MTUS2: variants seen among roughly 807,000 people sequenced by gnomAD.
MTUS2 encodes the protein microtubule-associated tumor suppressor candidate 2.
A neutral mutation model predicts 114.1 loss-of-function variants in MTUS2; 40 were observed. That is an observed-to-expected ratio of 0.35 (90% CI 0.27 to 0.46). The LOEUF is 0.46. Among genes scored for constraint, MTUS2 ranks in the 20% least tolerant of loss-of-function variants. MTUS2 has a pLI of 1.00. For missense variants in MTUS2, 1,679 were observed against 1,705.4 expected (o/e 0.98, Z 0.27); for synonymous variants, 688 against 672.0 (o/e 1.02, Z -0.37).
intron 7 of MTUS2, among the ~76,000 whole-genome samples, chr13:29,358,390 G>A (rs1226054574): frequency 6.6e-6 from 1 of 152,182 alleles, no homozygotes; most frequent in Non-Finnish European, 1.5e-5. Flanking sequence ...CTCAACCCCA[G>A]GCAGAGCTCC....
chr13:29,026,105 T>A lies in MTUS2; in HGVS notation c.1407T>A (p.Val469=). ...LGSGNKDSVM[V]LVFNPSVGEN... Reference sequence around the variant, plus strand: ...GTGGGAATAAGGACAGTGTTATGGTTTTGGTGTTCAATCCTTCTGTTGGAG... The same window carrying A: ...GTGGGAATAAGGACAGTGTTATGGTATTGGTGTTCAATCCTTCTGTTGGAG... Residue 469 remains valine (V), a synonymous_variant, in exon 3 of 16, where the codon GTT becomes GTA. Transcript: ENST00000612955. 6.2e-7 allele frequency: 1 copy of A among 1,613,910 alleles called. No individual in the cohort carries two copies. The highest frequency in any genetic ancestry group is 8.5e-7 in the Non-Finnish European group (1 of 1,179,882).
intron 8 of MTUS2, among the ~76,000 whole-genome samples, chr13:29,382,168 A>G (rs998789616): frequency 1.3e-5 from 2 of 152,152 alleles, no homozygotes. Flanking sequence ...GGGTGAAGGG[A>G]ATGGGAGGAA....
chr13:29,454,598 C>A (rs989800195), intron 9 of MTUS2, among the ~76,000 whole-genome samples: 22 of 151,952 alleles, frequency 1.4e-4, no homozygotes, highest in Admixed American at 2.0e-4. Flanking sequence ...GTCAGGGGTC[C>A]AGAAAAGGCC....
intron 6 of MTUS2, among the ~76,000 whole-genome samples, chr13:29,317,666 C>T (rs1329121527): frequency 8.2e-6 from 1 of 122,088 alleles, no homozygotes; most frequent in Non-Finnish European, 1.7e-5. Flanking sequence ...TCTCCATCTC[C>T]TGACCTCGTG....
At chr13:29,161,972 T>G (rs1893116780) in intron 5 of MTUS2, among the ~76,000 whole-genome samples, 1 of 152,210 alleles carries the variant, frequency 6.6e-6, no homozygotes, top group Admixed American at 6.5e-5. Context: ...TATTTCCAGC[T>G]CACTCCTTTC....
chr13:29,070,407 A>G (rs753591844), intron 4 of MTUS2, among the ~76,000 whole-genome samples: 13 of 152,218 alleles, frequency 8.5e-5, no homozygotes, highest in Non-Finnish European at 1.9e-4. Context: ...TGCATTTACT[A>G]GATTAAAAAT....
chr13:28,958,998 G>A (rs769477642), intron 2 of MTUS2, among the ~76,000 whole-genome samples: 3 of 152,174 alleles, frequency 2.0e-5, no homozygotes, highest in Non-Finnish European at 4.4e-5. Context: ...ATACTCCTAG[G>A]CAGACCAGCT....
chr13:28,897,299 T>C (rs913000973), intron 2 of MTUS2, among the ~76,000 whole-genome samples: 2 of 152,018 alleles, frequency 1.3e-5, no homozygotes, highest in African/African-American at 4.8e-5. Flanking sequence ...CATGAAAAAA[T>C]GCTCATCATC....
intron 6 of MTUS2, among the ~76,000 whole-genome samples, chr13:29,320,841 A>T (rs1345188037): frequency 6.6e-6 from 1 of 152,198 alleles, no homozygotes; most frequent in East Asian, 1.9e-4. Context: ...GTACAAAGTG[A>T]GAATGAATCA....
intron 9 of MTUS2, among the ~76,000 whole-genome samples, chr13:29,479,636 G>T (rs1389717326): frequency 6.6e-6 from 1 of 152,150 alleles, no homozygotes; most frequent in East Asian, 1.9e-4. Flanking sequence ...ATAGCCTTAG[G>T]CGCCAGGCCC....
chr13:29,042,028 A>G (rs1172535352), intron 4 of MTUS2, among the ~76,000 whole-genome samples: 2 of 152,182 alleles, frequency 1.3e-5, no homozygotes, highest in Admixed American at 1.3e-4. Flanking sequence ...GAAAGTGGGC[A>G]TCCTTGACTT....
At chr13:29,017,635 C>T (rs1423262833) in intron 2 of MTUS2, among the ~76,000 whole-genome samples, 5 of 151,796 alleles carry the variant, frequency 3.3e-5, no homozygotes, top group Non-Finnish European at 7.4e-5. Flanking sequence ...ATATGGCCCT[C>T]TTGGGAGGAC....
intron 2 of MTUS2, among the ~76,000 whole-genome samples, chr13:28,999,022 T>TATCTAC (rs1307063709): frequency 6.6e-6 from 1 of 152,234 alleles, no homozygotes; most frequent in Non-Finnish European, 1.5e-5. Context: ...TTTGTGGTTT[T>TATCTAC]ATCTACCTTT....
chr13:28,874,530 C>T (rs571807638), intron 2 of MTUS2, among the ~76,000 whole-genome samples: 6 of 152,088 alleles, frequency 3.9e-5, no homozygotes, highest in Non-Finnish European at 7.4e-5. Context: ...GCTGGAATGG[C>T]TCACTTATAT....
intron 8 of MTUS2, among the ~76,000 whole-genome samples, chr13:29,395,579 AG>A (rs1488975296): frequency 6.6e-6 from 1 of 152,212 alleles, no homozygotes; most frequent in Non-Finnish European, 1.5e-5. Flanking sequence ...AGTCACAGCC[AG>A]GGTTTGCTGT....
intron 5 of MTUS2, among the ~76,000 whole-genome samples, chr13:29,205,436 T>TG (rs200486438): frequency 1.3e-5 from 2 of 151,546 alleles, no homozygotes; most frequent in African/African-American, 4.9e-5. Context: ...AGTATTTTTT[T>TG]GGGGAAAGGT....
chr13:29,360,692 C>T (rs968686124), intron 8 of MTUS2, among the ~76,000 whole-genome samples: 2 of 122,964 alleles, frequency 1.6e-5, no homozygotes, highest in Admixed American at 7.9e-5. Context: ...CCGAACACCC[C>T]CCCCCCCCCG....
rs78375399 is a variant in MTUS2 at position 29,135,935 on chromosome 13, A to G, written c.2644+34965A>G. 3.3e-3 allele frequency among the ~76,000 whole-genome samples: 501 copies of G among 152,346 alleles called. 3 individuals are homozygous for G. In the Middle Eastern group the frequency reaches 0.041, roughly 12 times the overall value. On this transcript the variant is annotated intron_variant, in intron 5 of 15. Coordinates refer to ENST00000612955, the MANE Select transcript of MTUS2 (RefSeq NM_001033602.4). ...TATTAGTCTCTTAAATATGTAGGAAAAAATGAGTTACCAACCAAAGTTATG... is the reference window on the plus strand; with the variant it reads ...TATTAGTCTCTTAAATATGTAGGAAGAAATGAGTTACCAACCAAAGTTATG...
intron 5 of MTUS2, among the ~76,000 whole-genome samples, chr13:29,225,988 T>A (rs1289798329): frequency 1.3e-5 from 2 of 152,204 alleles, no homozygotes; most frequent in Non-Finnish European, 2.9e-5. Context: ...AATTGATATG[T>A]CCTTTAGAAT....
Sources: allele counts gnomAD v4.1 joint callset (sites outside exome capture counted in the v4.1 genomes callset), GRCh38; gene constraint gnomAD v4.1.1; transcripts MANE v1.5; gene names NCBI Gene and HGNC (gene_info 2026-07-23, HGNC 2026-07-21).